The following ITSN1 variants were observed in gnomAD, a reference collection of about 807,000 sequenced individuals.
The protein encoded by ITSN1 is intersectin 1.
A neutral mutation model predicts 239.8 loss-of-function variants in ITSN1; 58 were observed. That is an observed-to-expected ratio of 0.24 (90% CI 0.20 to 0.30). ITSN1 has a LOEUF of 0.30. Ranked by LOEUF, ITSN1 falls within the 10% of genes least tolerant of loss-of-function variation. The pLI, the probability that ITSN1 is intolerant of heterozygous loss-of-function variation, is 1.00. For missense variants in ITSN1, 1,558 were observed against 2,103.3 expected, an observed-to-expected ratio of 0.74 and a Z score of 5.07; for synonymous variants, 780 against 770.8, an observed-to-expected ratio of 1.01 and a Z score of -0.20.
At chr21:33,817,820 C>A in intron 22 of ITSN1, 2 of 388,506 alleles carry the variant, frequency 5.1e-6, no homozygotes, top group Non-Finnish European at 8.9e-6. Context: ...CTGGGTCTAC[C>A]TAATCTAAAA....
intron 22 of ITSN1, 160 bp downstream of exon 22, chr21:33,814,232 G>A: frequency 2.4e-6 from 1 of 411,994 alleles, no homozygotes; most frequent in South Asian, 2.5e-5. Context: ...GAAATCTGCT[G>A]TGAATAGTTG....
intron 29 of ITSN1, among the ~76,000 whole-genome samples, chr21:33,840,515 G>A (rs1209345300): frequency 3.3e-5 from 5 of 151,988 alleles, no homozygotes; most frequent in East Asian, 1.9e-4. Context: ...AGGCATGCAC[G>A]TGGGTCTGGC....
intron 1 of ITSN1, among the ~76,000 whole-genome samples, chr21:33,649,852 T>TA (rs773202001): frequency 6.6e-6 from 1 of 151,620 alleles, no homozygotes; most frequent in African/African-American, 2.4e-5. Flanking sequence ...CCATCTCTAC[T>TA]AAAAAATACA....
intron 5 of ITSN1, among the ~76,000 whole-genome samples, chr21:33,739,350 C>A (rs949815303): frequency 6.6e-6 from 1 of 152,092 alleles, no homozygotes; most frequent in Non-Finnish European, 1.5e-5. Flanking sequence ...CAGGAGGAGT[C>A]TGTTTTTCTT....
chr21:33,694,260 CA>C (rs770665167), intron 1 of ITSN1, among the ~76,000 whole-genome samples: 16 of 152,176 alleles, frequency 1.1e-4, no homozygotes, highest in Non-Finnish European at 1.9e-4. Flanking sequence ...CTCCTGGGCT[CA>C]AGGAATCCTC....
chr21:33,813,397 G>T (rs1010866806), intron 21 of ITSN1, among the ~76,000 whole-genome samples: 8 of 150,868 alleles, frequency 5.3e-5, no homozygotes, highest in African/African-American at 2.0e-4. Flanking sequence ...CTGTCATCCA[G>T]TCCAGAGTAC....
chr21:33,781,727 T>C (rs1012911855), intron 15 of ITSN1, among the ~76,000 whole-genome samples, 179 bp downstream of exon 15: 1 of 152,050 alleles, frequency 6.6e-6, no homozygotes, highest in African/African-American at 2.4e-5. Context: ...TACAGGTGCA[T>C]GCCACCACAG....
At chr21:33,728,378 G>A (rs1187997431) in intron 4 of ITSN1, among the ~76,000 whole-genome samples, 6 of 152,000 alleles carry the variant, frequency 3.9e-5, no homozygotes, top group African/African-American at 1.2e-4. Context: ...GACTACAGGC[G>A]CGCGCCACTA....
intron 1 of ITSN1, among the ~76,000 whole-genome samples, chr21:33,703,929 G>C (rs938042376): frequency 1.3e-5 from 2 of 152,148 alleles, no homozygotes; most frequent in African/African-American, 4.8e-5. Flanking sequence ...GCCTCTGCTT[G>C]GGGCTGAGCT....
Position 33,710,475 on chromosome 21 carries a change from G to A in ITSN1, c.-32-8322G>A, listed in dbSNP as rs189329511. Among the ~76,000 whole-genome samples, 33 of 152,126 alleles carry A rather than the reference G, an allele frequency of 2.2e-4. No homozygotes were observed. In the East Asian group the frequency reaches 6.2e-3, roughly 28 times the overall value. On this transcript the variant is annotated intron_variant, in intron 1 of 39. Transcript: ENST00000381318. Reference sequence around the variant, plus strand: ...CTTTCTGCTTTATTCTGCTAATATAGTATATTACATTTTCTGAATGGTTTA... The same window carrying A: ...CTTTCTGCTTTATTCTGCTAATATAATATATTACATTTTCTGAATGGTTTA...
chr21:33,829,615 G>T lies in ITSN1; in HGVS notation c.3230-9G>T. 1 of 1,611,954 alleles carries T rather than the reference G, an allele frequency of 6.2e-7. No homozygotes were observed. The highest frequency in any genetic ancestry group is 8.5e-7 in the Non-Finnish European group (1 of 1,179,906). On this transcript the variant is annotated splice_polypyrimidine_tract_variant and intron_variant, in intron 26 of 39. Coordinates refer to ENST00000381318, the MANE Select transcript of ITSN1 (RefSeq NM_003024.3). ...ACAGTGCACTGCCGTGTTTGATCTT[G>T]TTTTTCAGAAATTGCCCAGGTTATT...
At chr21:33,665,965 G>T (rs2146315216) in intron 1 of ITSN1, among the ~76,000 whole-genome samples, 1 of 148,360 alleles carries the variant, frequency 6.7e-6, no homozygotes, top group South Asian at 2.1e-4. Context: ...GTCTCGCTCT[G>T]TTGCCCAGGC....
At chr21:33,661,822 T>C (rs2089580803) in intron 1 of ITSN1, among the ~76,000 whole-genome samples, 1 of 152,120 alleles carries the variant, frequency 6.6e-6, no homozygotes, top group Non-Finnish European at 1.5e-5. Context: ...GACCGCCATG[T>C]GAGACATACC....
intron 5 of ITSN1, 177 bp downstream of exon 5, chr21:33,735,381 T>A: frequency 1.4e-6 from 1 of 725,322 alleles, no homozygotes; most frequent in South Asian, 1.5e-5. Context: ...ATGTTCACAT[T>A]TGAACCCTGG....
chr21:33,780,913 A>T (rs1176428929), intron 14 of ITSN1, among the ~76,000 whole-genome samples: 2 of 152,206 alleles, frequency 1.3e-5, no homozygotes, highest in Non-Finnish European at 2.9e-5. Flanking sequence ...ACTTTTGTGT[A>T]CCTGTTTAAA....
rs762091169 is a variant in ITSN1 at position 33,781,532 on chromosome 21, G to A, written c.1668G>A (p.Gln556=). The A allele has an allele frequency of 1.9e-6, 3 of 1,570,824 alleles. No homozygotes were observed. The South Asian group carries it at 3.5e-5, about 18-fold the overall frequency. ...TCAATGACCAATTAAAACAAGTTCA[G>A]CAGAACAGTTTGCACAGTAGGTGTT... ...QILNDQLKQV[Q]QNSLHRDSLV... The change falls in exon 15 of 40, where the codon CAG becomes CAA. Residue 556 remains glutamine (Q), a synonymous_variant. Transcript: ENST00000381318.
At chr21:33,677,316 A>G (rs536660553) in intron 1 of ITSN1, among the ~76,000 whole-genome samples, 33 of 152,088 alleles carry the variant, frequency 2.2e-4, no homozygotes, top group Non-Finnish European at 3.7e-4. Flanking sequence ...TAAGCTGTTC[A>G]AAATTAACAT....
intron 5 of ITSN1, among the ~76,000 whole-genome samples, chr21:33,742,204 G>GCC (rs2066903553): frequency 6.6e-6 from 1 of 151,838 alleles, no homozygotes; most frequent in African/African-American, 2.4e-5. Context: ...TTACAGGCAT[G>GCC]TGCCACCACG....
chr21:33,878,420 C>A (rs1430680586), intron 34 of ITSN1, among the ~76,000 whole-genome samples: 1 of 152,152 alleles, frequency 6.6e-6, no homozygotes, highest in South Asian at 2.1e-4. Flanking sequence ...TTTTTTCTCT[C>A]TGTTTCTGTA....
Sources: allele counts gnomAD v4.1 joint callset (sites outside exome capture counted in the v4.1 genomes callset), GRCh38; gene constraint gnomAD v4.1.1; transcripts MANE v1.5; gene names NCBI Gene and HGNC (gene_info 2026-07-23, HGNC 2026-07-21).